The following ATXN1 variants were observed in gnomAD, a reference collection of about 807,000 sequenced individuals.
ATXN1 encodes ataxin-1.
A neutral mutation model predicts 56.4 loss-of-function variants in ATXN1; 8 were observed. The observed-to-expected ratio is 0.14, with a 90% CI of 0.08 to 0.26. The LOEUF (loss-of-function observed/expected upper bound fraction) is 0.26. ATXN1 is among the 10% of genes least tolerant of loss of function. The pLI, the probability that ATXN1 is intolerant of heterozygous loss-of-function variation, is 1.00. For missense variants in ATXN1, 987 were observed against 1,106.5 expected, an observed-to-expected ratio of 0.89 and a Z score of 1.53; for synonymous variants, 514 against 494.6, an observed-to-expected ratio of 1.04 and a Z score of -0.52.
intron 2 of ATXN1, among the ~76,000 whole-genome samples, chr6:16,671,138 A>T (rs1758531581): frequency 6.6e-6 from 1 of 152,208 alleles, no homozygotes; most frequent in Non-Finnish European, 1.5e-5. Flanking sequence ...TGATGCCATA[A>T]TTGTCCAAAT....
intron 3 of ATXN1, among the ~76,000 whole-genome samples, chr6:16,642,568 C>T (rs1385278293): frequency 6.6e-6 from 1 of 152,184 alleles, no homozygotes; most frequent in Non-Finnish European, 1.5e-5. Flanking sequence ...GAAAGTTCTA[C>T]TATGGGTAAA....
intron 6 of ATXN1, among the ~76,000 whole-genome samples, chr6:16,456,128 A>G (rs1453307093): frequency 6.6e-6 from 1 of 152,074 alleles, no homozygotes; most frequent in African/African-American, 2.4e-5. Flanking sequence ...TAACCTTGCT[A>G]CTGCTCACTC....
intron 3 of ATXN1, among the ~76,000 whole-genome samples, chr6:16,618,742 T>C (rs1581299283): frequency 6.9e-6 from 1 of 145,426 alleles, no homozygotes; most frequent in Admixed American, 6.8e-5. Flanking sequence ...AAAAAAAGGA[T>C]TCAACTGTGG....
chr6:16,733,177 A>AT (rs1326759928), intron 2 of ATXN1, among the ~76,000 whole-genome samples: 6 of 152,346 alleles, frequency 3.9e-5, no homozygotes, highest in African/African-American at 1.4e-4. Flanking sequence ...TTATCTTAAC[A>AT]TATTCCACTT....
intron 2 of ATXN1, among the ~76,000 whole-genome samples, chr6:16,673,636 T>C (rs1581352640): frequency 6.6e-6 from 1 of 152,300 alleles, no homozygotes; most frequent in East Asian, 1.9e-4. Flanking sequence ...ATTGATTGAT[T>C]GATTTTTAAA....
At chr6:16,573,978 GCT>G (rs970348573) in intron 4 of ATXN1, among the ~76,000 whole-genome samples, 3 of 152,172 alleles carry the variant, frequency 2.0e-5, no homozygotes, top group Admixed American at 1.3e-4. Context: ...GTCATGGATT[GCT>G]CTATAATTGC....
At chr6:16,698,702 A>G (rs1303002520) in intron 2 of ATXN1, among the ~76,000 whole-genome samples, 2 of 151,872 alleles carry the variant, frequency 1.3e-5, no homozygotes, top group Non-Finnish European at 2.9e-5. Flanking sequence ...GACATGACCA[A>G]TGAAGGAAAA....
intron 6 of ATXN1, among the ~76,000 whole-genome samples, chr6:16,347,553 C>G (rs1364099651): frequency 1.3e-5 from 2 of 152,016 alleles, no homozygotes; most frequent in Non-Finnish European, 2.9e-5. Context: ...TTTGTAAACA[C>G]ACCAATCAGC....
chr6:16,341,111 C>T (rs1427248387), intron 6 of ATXN1, among the ~76,000 whole-genome samples: 1 of 152,232 alleles, frequency 6.6e-6, no homozygotes, highest in African/African-American at 2.4e-5. Context: ...AACATCCCAA[C>T]AGACCAAATG....
chr6:16,453,588 T>C (rs1383438124), intron 6 of ATXN1, among the ~76,000 whole-genome samples: 2 of 152,138 alleles, frequency 1.3e-5, no homozygotes, highest in African/African-American at 2.4e-5. Flanking sequence ...TCATTATCAT[T>C]ATCATCATCA....
intron 2 of ATXN1, chr6:16,738,793 T>C (rs1051077444): frequency 1.3e-5 from 2 of 152,262 alleles, no homozygotes; most frequent in African/African-American, 4.8e-5. Flanking sequence ...CTATAAGATA[T>C]GTAAACATGA....
intron 5 of ATXN1, among the ~76,000 whole-genome samples, chr6:16,521,334 C>T (rs1056266012): frequency 2.6e-5 from 4 of 152,138 alleles, no homozygotes; most frequent in Non-Finnish European, 4.4e-5. Flanking sequence ...GAGGCCGAGG[C>T]GGATCACGAG....
intron 6 of ATXN1, among the ~76,000 whole-genome samples, chr6:16,392,398 G>A (rs1013798271): frequency 2.6e-5 from 4 of 152,126 alleles, no homozygotes; most frequent in Non-Finnish European, 5.9e-5. Flanking sequence ...TTCTAAAGTG[G>A]CCTGATTTTC....
intron 5 of ATXN1, among the ~76,000 whole-genome samples, chr6:16,513,621 A>C (rs1761123493): frequency 6.6e-6 from 1 of 152,180 alleles, no homozygotes; most frequent in African/African-American, 2.4e-5. Context: ...GGGATGTAAA[A>C]GGGACTGAAA....
intron 3 of ATXN1, among the ~76,000 whole-genome samples, chr6:16,630,258 A>C (rs1209342305): frequency 6.6e-6 from 1 of 152,194 alleles, no homozygotes; most frequent in African/African-American, 2.4e-5. Context: ...CAAACAGGAA[A>C]AACCTGTATC....
chr6:16,500,086 C>T (rs1403676951), intron 5 of ATXN1, among the ~76,000 whole-genome samples: 5 of 152,236 alleles, frequency 3.3e-5, no homozygotes, highest in Non-Finnish European at 7.3e-5. Flanking sequence ...ACAAAGGTGG[C>T]TCCTCTTGTC....
chr6:16,734,771 G>A (rs1168158433), intron 2 of ATXN1, among the ~76,000 whole-genome samples: 1 of 152,164 alleles, frequency 6.6e-6, no homozygotes, highest in Non-Finnish European at 1.5e-5. Context: ...TGGGATTACA[G>A]ACGTGAGCCA....
chr6:16,686,266 T>C (rs1758915554), intron 2 of ATXN1, among the ~76,000 whole-genome samples: 1 of 152,202 alleles, frequency 6.6e-6, no homozygotes, highest in Non-Finnish European at 1.5e-5. Context: ...GATACTAAAA[T>C]ATACAACTTA....
chr6:16,592,477 C>T (rs1445643934), intron 3 of ATXN1, among the ~76,000 whole-genome samples: 1 of 152,114 alleles, frequency 6.6e-6, no homozygotes, highest in Non-Finnish European at 1.5e-5. Context: ...ACAGGTTTCT[C>T]ATAATATCCT....
Sources: allele counts gnomAD v4.1 joint callset (sites outside exome capture counted in the v4.1 genomes callset), GRCh38; gene constraint gnomAD v4.1.1; transcripts MANE v1.5; gene names NCBI Gene and HGNC (gene_info 2026-07-23, HGNC 2026-07-21).